Variants in CEP68 observed in about 807,000 individuals in gnomAD.
The protein encoded by CEP68 is centrosomal protein 68.
CEP68 carries 26 observed loss-of-function variants against 55.3 expected under a neutral mutation model. The observed-to-expected ratio is 0.47, with a 90% CI of 0.34 to 0.65. The LOEUF (loss-of-function observed/expected upper bound fraction) is 0.65. Among genes scored for constraint, CEP68 ranks in the 30% least tolerant of loss-of-function variants. CEP68 has a pLI of 0.01. For synonymous variants in CEP68, 402 were observed against 383.2 expected, an observed-to-expected ratio of 1.05 and a Z score of -0.57; for missense variants, 957 against 946.7, an observed-to-expected ratio of 1.01 and a Z score of -0.14.
At chr2:65,060,665 G>A (rs1159541528) in intron 1 of CEP68, among the ~76,000 whole-genome samples, 1 of 152,246 alleles carries the variant, frequency 6.6e-6, no homozygotes, top group Non-Finnish European at 1.5e-5. Flanking sequence ...TCTTCTGACA[G>A]TGACTTTTGT....
intron 1 of CEP68, among the ~76,000 whole-genome samples, chr2:65,063,652 T>C (rs571401053): frequency 1.1e-4 from 16 of 152,302 alleles, no homozygotes; most frequent in Admixed American, 3.3e-4. Flanking sequence ...GTGTAAAATC[T>C]CGGATCTATG....
At position 65,066,828 on chromosome 2, in the gene CEP68, G is replaced by A. The variant is rs1676211130; in HGVS notation, c.-46-2571G>A. On this transcript the variant is annotated intron_variant, in intron 1 of 6. Transcript: ENST00000377990. Reference sequence around the variant, plus strand: ...ACATGCCTGTAATCCCAGCTGCTTGGGAGGCTGAGGCAGGAGAATTGCTTG... The same window carrying A: ...ACATGCCTGTAATCCCAGCTGCTTGAGAGGCTGAGGCAGGAGAATTGCTTG... Among the ~76,000 whole-genome samples, 3 of 149,394 alleles carry A rather than the reference G, an allele frequency of 2.0e-5. No individual in the cohort carries two copies. The South Asian group carries it at 6.3e-4, about 32-fold the overall frequency.
At chr2:65,058,023 T>C (rs1675723989) in intron 1 of CEP68, among the ~76,000 whole-genome samples, 1 of 152,182 alleles carries the variant, frequency 6.6e-6, no homozygotes, top group South Asian at 2.1e-4. Flanking sequence ...GGTGAGTTAT[T>C]AGGATTAAAT....
At chr2:65,074,738 G>T (rs540662213) in intron 4 of CEP68, 251 of 347,540 alleles carry the variant, frequency 7.2e-4, no homozygotes, top group South Asian at 5.7e-3. Context: ...CCAGGAGTTC[G>T]AGTACAGCCT....
Position 65,086,329 on chromosome 2 carries a change from T to C in CEP68, c.*2695T>C, listed in dbSNP as rs992796054. The C allele has an allele frequency of 6.6e-6, 1 of 152,226 alleles. No individual in the cohort carries two copies. The highest frequency in any genetic ancestry group is 2.4e-5 in the African/African-American group (1 of 41,466). The allele number at this position is 152,226 out of a possible 1,614,324, so 9.4% of individuals were successfully genotyped here. On this transcript the variant is annotated 3_prime_UTR_variant, in exon 7 of 7. Coordinates refer to ENST00000377990, the MANE Select transcript of CEP68 (RefSeq NM_015147.3). ...ACCTTATATTTAGAACAAGTGGTAA[T>C]TCCCTTTACTAAGTGAACAGATTAT... is the stretch of plus-strand genomic sequence containing the variant.
intron 1 of CEP68, among the ~76,000 whole-genome samples, chr2:65,063,640 AT>A (rs991040200): frequency 2.7e-4 from 41 of 152,326 alleles, no homozygotes; most frequent in Middle Eastern, 3.4e-3. Flanking sequence ...AGGAGGAATG[AT>A]GTGTAAAATC....
Position 65,066,726 on chromosome 2 carries a change from CAA to C in CEP68, c.-46-2654_-46-2653del, listed in dbSNP as rs869096839. Among the ~76,000 whole-genome samples, 231 of 43,220 alleles carry C rather than the reference CAA, an allele frequency of 5.3e-3. 2 individuals carry two copies. The highest frequency in any genetic ancestry group is 0.023 in the Middle Eastern group (1 of 44). The allele number at this position is 43,220 out of a possible 152,430, so 28.4% of individuals were successfully genotyped here. On this transcript the variant is annotated intron_variant, in intron 1 of 6. Coordinates refer to ENST00000377990, the MANE Select transcript of CEP68 (RefSeq NM_015147.3). ...TGGAAGACAGAGTGAGACTCTGTCT[CAA>C]AAAAAAAAAAAAAAAAAATATATAT...
intron 4 of CEP68, among the ~76,000 whole-genome samples, chr2:65,076,435 G>A (rs1158456802): frequency 2.0e-5 from 3 of 152,172 alleles, no homozygotes; most frequent in African/African-American, 7.2e-5. Flanking sequence ...AGGTCAGTGA[G>A]GCATAGGCCT....
intron 5 of CEP68, among the ~76,000 whole-genome samples, chr2:65,082,157 A>G (rs1668858670): frequency 6.6e-6 from 1 of 152,230 alleles, no homozygotes; most frequent in Non-Finnish European, 1.5e-5. Flanking sequence ...GAACCTTGGC[A>G]TGTCGTTTTA....
intron 1 of CEP68, among the ~76,000 whole-genome samples, chr2:65,058,696 A>G (rs1270326324): frequency 3.3e-5 from 5 of 151,492 alleles, no homozygotes; most frequent in Non-Finnish European, 5.9e-5. Context: ...TGGTAGAGAC[A>G]GGGTTTCGCC....
chr2:65,069,428 C>A lies in CEP68; in HGVS notation c.-17C>A. 6.7e-7 allele frequency: 1 copy of A among 1,493,150 alleles called. No individual in the cohort carries two copies. Among genetic ancestry groups the A allele is most frequent in the South Asian group, 1.4e-5 (1 of 70,222 alleles). The allele number at this position is 1,493,150 out of a possible 1,614,324, so 92.5% of individuals were successfully genotyped here. On this transcript the variant is annotated 5_prime_UTR_variant, in exon 2 of 7. Coordinates refer to ENST00000377990, the MANE Select transcript of CEP68 (RefSeq NM_015147.3). ...CTGAAGTCTTCAGCAGAACCCTGAC[C>A]TAGGTAGGGAGTCTCAATGGCCCTG... is the stretch of plus-strand genomic sequence containing the variant.
At chr2:65,073,043 T>C in intron 3 of CEP68, 63 bp downstream of exon 3, 7 of 1,543,140 alleles carry the variant, frequency 4.5e-6, no homozygotes, top group Middle Eastern at 1.7e-4. Flanking sequence ...CCCAATCCAC[T>C]AACATCATAA....
At position 65,072,673 on chromosome 2, in the gene CEP68, G is replaced by A; in HGVS notation, c.1577G>A (p.Gly526Glu). ...CCCTTGGAAGTGTCAGACAGTGATG[G>A]GCCAGCTTCCTTCCCTTCAAGCTCC... Reference protein sequence around the residue: ...QSPLEVSDSDGPASFPSSSSQ... With the variant: ...QSPLEVSDSDEPASFPSSSSQ... The change falls in exon 3 of 7, where the codon GGG (glycine) becomes GAG (glutamate). Residue 526 changes from glycine to glutamate, a missense_variant. By Grantham distance (98) the Gly-to-Glu change is moderately conservative. Coordinates refer to ENST00000377990, the MANE Select transcript of CEP68 (RefSeq NM_015147.3). The A allele has an allele frequency of 6.2e-7, 1 of 1,614,140 alleles. No individual in the cohort carries two copies. Among genetic ancestry groups the A allele is most frequent in the South Asian group, 1.1e-5 (1 of 91,086 alleles).
At chr2:65,078,643 G>A (rs1210492657) in intron 5 of CEP68, among the ~76,000 whole-genome samples, 1 of 152,230 alleles carries the variant, frequency 6.6e-6, no homozygotes, top group Non-Finnish European at 1.5e-5. Context: ...CCAGGTTCAA[G>A]TGATTCTTCT....
At chr2:65,057,629 T>G (rs1251324773) in intron 1 of CEP68, among the ~76,000 whole-genome samples, 1 of 152,146 alleles carries the variant, frequency 6.6e-6, no homozygotes, top group East Asian at 1.9e-4. Context: ...AGCACAATGC[T>G]TGGAACATAA....
In CEP68 at chr2:65,082,588, C is replaced by T; in HGVS notation, c.2157C>T (p.Ser719=). ...RIAKQSGELE[S]HADRLYDSIL... is the part of the protein sequence containing the mutation. Reference sequence around the variant, plus strand: ...CAAAGCAGTCTGGTGAGCTGGAGAGCCACGCAGATCGCCTGTATGACTCTA... The same window carrying T: ...CAAAGCAGTCTGGTGAGCTGGAGAGTCACGCAGATCGCCTGTATGACTCTA... The change falls in exon 6 of 7, where the codon AGC becomes AGT. Residue 719 remains serine (S), a synonymous_variant. Coordinates refer to ENST00000377990, the MANE Select transcript of CEP68 (RefSeq NM_015147.3). 6.2e-7 allele frequency: 1 copy of T among 1,607,878 alleles called. No homozygotes were observed. Among genetic ancestry groups the T allele is most frequent in the East Asian group, 2.2e-5 (1 of 44,466 alleles).
At chr2:65,071,123 A>C in intron 2 of CEP68, 1 of 314,308 alleles carries the variant, frequency 3.2e-6, no homozygotes, top group South Asian at 4.3e-5. Flanking sequence ...CTGCCAGGAG[A>C]CGCTTCTCAG....
intron 1 of CEP68, among the ~76,000 whole-genome samples, chr2:65,059,054 A>T (rs189705165): frequency 2.6e-5 from 4 of 152,302 alleles, no homozygotes; most frequent in African/African-American, 9.6e-5. Flanking sequence ...GTGGCTGACA[A>T]AAAATCTTTA....
At chr2:65,080,473 T>C in intron 5 of CEP68, 1 of 985,436 alleles carries the variant, frequency 1.0e-6, no homozygotes, top group Non-Finnish European at 1.2e-6. Context: ...GTTCCAGTCC[T>C]TCCCAACTTC....
Sources: allele counts gnomAD v4.1 joint callset (sites outside exome capture counted in the v4.1 genomes callset), GRCh38; gene constraint gnomAD v4.1.1; transcripts MANE v1.5; gene names NCBI Gene and HGNC (gene_info 2026-07-23, HGNC 2026-07-21).